Variants in EXOC4 observed in about 807,000 individuals in gnomAD.
EXOC4 encodes SEC8-like 1.
A neutral mutation model predicts 107.2 loss-of-function variants in EXOC4; 71 were observed. That is an observed-to-expected ratio of 0.66 (90% CI 0.55 to 0.81). The LOEUF is 0.81. Among genes scored for constraint, EXOC4 ranks in the 30% least tolerant of loss-of-function variants. The probability of loss-of-function intolerance (pLI) is 0.00; values close to 1 mark genes in which losing one functional copy is unlikely to be tolerated. For missense variants in EXOC4, 1,108 were observed against 1,189.6 expected (o/e 0.93, Z 1.01); for synonymous variants, 456 against 441.2 (o/e 1.03, Z -0.42).
chr7:133,668,984 A>G (rs1793878703), intron 10 of EXOC4, among the ~76,000 whole-genome samples: 1 of 148,090 alleles, frequency 6.8e-6, no homozygotes, highest in East Asian at 2.0e-4. Context: ...TTTGTTATGC[A>G]CAATAGAATT....
chr7:133,853,281 TTGTC>T (rs575154137), intron 11 of EXOC4, among the ~76,000 whole-genome samples: 72 of 150,840 alleles, frequency 4.8e-4, no homozygotes, highest in Middle Eastern at 3.4e-3. Flanking sequence ...TTCTTTCTGT[TTGTC>T]TGTCCCTCGC....
the EXOC4 span, among the ~76,000 whole-genome samples, chr7:134,097,588 A>G: frequency 7.2e-5 from 11 of 152,298 alleles, no homozygotes; most frequent in South Asian, 2.3e-3. Flanking sequence ...TTTATAGACT[A>G]TTCTTGCTGA....
chr7:133,807,123 C>T (rs575942032), intron 10 of EXOC4, among the ~76,000 whole-genome samples: 3 of 152,240 alleles, frequency 2.0e-5, no homozygotes, highest in South Asian at 2.1e-4. Context: ...GGCTGACTGC[C>T]GGACTGGAGT....
chr7:134,044,296 A>T (rs1795593651), intron 17 of EXOC4, among the ~76,000 whole-genome samples: 1 of 152,194 alleles, frequency 6.6e-6, no homozygotes, highest in Non-Finnish European at 1.5e-5. Context: ...CAGGTGAAGC[A>T]CATGTGGAAG....
At chr7:133,878,315 T>C (rs528620569) in intron 11 of EXOC4, among the ~76,000 whole-genome samples, 1 of 152,346 alleles carries the variant, frequency 6.6e-6, no homozygotes, top group Non-Finnish European at 1.5e-5. Flanking sequence ...TTAAGTCTCT[T>C]TAATCCCTAA....
intron 3 of EXOC4, among the ~76,000 whole-genome samples, chr7:133,295,342 A>G (rs1794494847): frequency 6.6e-6 from 1 of 152,144 alleles, no homozygotes; most frequent in Non-Finnish European, 1.5e-5. Flanking sequence ...TTACATTTCT[A>G]GGATTTGGCA....
intron 10 of EXOC4, among the ~76,000 whole-genome samples, chr7:133,790,761 G>A (rs1440643912): frequency 6.6e-6 from 1 of 152,236 alleles, no homozygotes; most frequent in Non-Finnish European, 1.5e-5. Context: ...TTTGCAGGTA[G>A]AGTTTCATGC....
chr7:133,818,203 C>G (rs1797421934), intron 11 of EXOC4, among the ~76,000 whole-genome samples: 1 of 152,052 alleles, frequency 6.6e-6, no homozygotes, highest in African/African-American at 2.4e-5. Flanking sequence ...AAAACTAAAA[C>G]AAAATTAGTA....
intron 10 of EXOC4, among the ~76,000 whole-genome samples, chr7:133,653,721 A>G (rs1461572050): frequency 6.6e-6 from 1 of 152,152 alleles, no homozygotes; most frequent in Non-Finnish European, 1.5e-5. Context: ...GACTTTATGA[A>G]CCTTTTTCTG....
chr7:133,442,459 C>T lies in EXOC4; in HGVS notation c.1183-32869C>T, dbSNP rs535921699. 2.6e-5 allele frequency among the ~76,000 whole-genome samples: 4 copies of T among 152,146 alleles called. No homozygotes were observed. In the East Asian group the frequency reaches 5.8e-4, roughly 22 times the overall value. ...CTCCACTTCAGAGAGCCCCCAAGAG[C>T]GGGCAGTCTGACAAGTTAAGTAGTG... On this transcript the variant is annotated intron_variant, in intron 7 of 17. Coordinates refer to ENST00000253861, the MANE Select transcript of EXOC4 (RefSeq NM_021807.4).
intron 10 of EXOC4, among the ~76,000 whole-genome samples, chr7:133,756,595 GC>G (rs1383005226): frequency 6.6e-6 from 1 of 152,100 alleles, no homozygotes; most frequent in Non-Finnish European, 1.5e-5. Context: ...ATTTAAAATT[GC>G]CACTCTGCAC....
intron 9 of EXOC4, among the ~76,000 whole-genome samples, chr7:133,511,620 G>A (rs933746056): frequency 6.6e-6 from 1 of 152,052 alleles, no homozygotes; most frequent in Admixed American, 6.5e-5. Flanking sequence ...TTCCAATGTG[G>A]CATATTTTGG....
intron 9 of EXOC4, among the ~76,000 whole-genome samples, chr7:133,604,176 TATG>T (rs1462223807): frequency 1.3e-5 from 2 of 152,330 alleles, no homozygotes; most frequent in East Asian, 3.9e-4. Context: ...TGTCAGCTCT[TATG>T]ATAACAGTGC....
At chr7:133,521,927 G>T (rs1236889278) in intron 9 of EXOC4, among the ~76,000 whole-genome samples, 2 of 151,384 alleles carry the variant, frequency 1.3e-5, no homozygotes, top group African/African-American at 4.8e-5. Flanking sequence ...CCCCATTTCA[G>T]TTCTGTTTTA....
At chr7:133,867,524 T>A (rs1798666456) in intron 11 of EXOC4, among the ~76,000 whole-genome samples, 1 of 152,158 alleles carries the variant, frequency 6.6e-6, no homozygotes, top group African/African-American at 2.4e-5. Context: ...AGGAAGCTGT[T>A]AATCCTTTCC....
chr7:133,681,049 AC>A (rs1323420196), intron 10 of EXOC4, among the ~76,000 whole-genome samples: 1 of 152,130 alleles, frequency 6.6e-6, no homozygotes, highest in Non-Finnish European at 1.5e-5. Context: ...TTCAAGTTGA[AC>A]CTTTTTGATG....
intron 10 of EXOC4, among the ~76,000 whole-genome samples, chr7:133,654,914 A>G (rs1214908289): frequency 2.0e-5 from 3 of 152,144 alleles, no homozygotes; most frequent in Non-Finnish European, 4.4e-5. Context: ...ACATCTAAAT[A>G]TAGAAAAGGC....
chr7:133,769,144 A>G (rs1796196556), intron 10 of EXOC4, among the ~76,000 whole-genome samples: 1 of 152,002 alleles, frequency 6.6e-6, no homozygotes, highest in Non-Finnish European at 1.5e-5. Context: ...TAAAGAGGCT[A>G]CTCAATCCTG....
intron 9 of EXOC4, among the ~76,000 whole-genome samples, chr7:133,509,119 G>A (rs1799718993): frequency 6.6e-6 from 1 of 151,992 alleles, no homozygotes. Flanking sequence ...TCTGCAGTTG[G>A]GTGCAACCAT....
Sources: gnomAD v4.1 joint callset for allele counts (sites outside exome capture counted in the v4.1 genomes callset) on GRCh38, gnomAD v4.1.1 for gene constraint, MANE v1.5 for transcripts, NCBI Gene and HGNC (gene_info 2026-07-23, HGNC 2026-07-21) for gene names.